The following COL11A1 variants were observed in gnomAD, a reference collection of about 807,000 sequenced individuals.
COL11A1 encodes the protein collagen alpha-1(XI) chain.
A neutral mutation model predicts 265.2 loss-of-function variants in COL11A1; 74 were observed. That is an observed-to-expected ratio of 0.28 (90% confidence interval 0.23 to 0.34). The LOEUF is 0.34. Among genes scored for constraint, COL11A1 ranks in the 10% least tolerant of loss-of-function variants. The pLI is 1.00. For missense variants in COL11A1, 2,165 were observed against 2,263.6 expected, an observed-to-expected ratio of 0.96 and a Z score of 0.88; for synonymous variants, 816 against 727.6, an observed-to-expected ratio of 1.12 and a Z score of -1.96.
Position 103,077,880 on chromosome 1 carries a change from T to A in COL11A1, c.488+778A>T, listed in dbSNP as rs148095281. On this transcript the variant is annotated intron_variant, in intron 3 of 66. Coordinates refer to ENST00000370096, the MANE Select transcript of COL11A1 (RefSeq NM_001854.4). ...GAACTTAGGCAAATTACTTAAACTC[T>A]CTGAGCCTCAGTTCCCTTACCAGGA... Among the ~76,000 whole-genome samples the A allele has an allele frequency of 1.9e-3, 295 of 152,222 alleles. 2 individuals are homozygous for A. Among genetic ancestry groups the A allele is most frequent in the Non-Finnish European group, 2.9e-3 (198 of 68,000 alleles).
intron 41 of COL11A1, among the ~76,000 whole-genome samples, chr1:102,950,287 G>T (rs1226104215): frequency 6.6e-6 from 1 of 151,900 alleles, no homozygotes; most frequent in Non-Finnish European, 1.5e-5. Context: ...TGTCTCGAAA[G>T]AAAAAAGAAG....
intron 30 of COL11A1, 27 bp from the exon 31 acceptor site, chr1:102,984,218 A>G (rs771074553): frequency 1.8e-5 from 26 of 1,432,748 alleles, no homozygotes; most frequent in South Asian, 3.7e-5. Context: ...TAATAATCAA[A>G]GTAATATTTT....
intron 4 of COL11A1, among the ~76,000 whole-genome samples, chr1:103,055,802 C>T (rs1270625230): frequency 1.3e-5 from 2 of 152,176 alleles, no homozygotes; most frequent in African/African-American, 2.4e-5. Context: ...CCAGGAAAGC[C>T]AAACGATTGG....
rs750652823 is a variant in COL11A1, at chr1:102,878,123, G to T, written c.5317C>A (p.Pro1773Thr). Residue 1773 changes from proline (P) to threonine (T), a missense_variant, in exon 67 of 67, where the codon CCA becomes ACA. Transcript: ENST00000370096. ...ACAATAGGTACTTGATCAATTTTTG[G>T]TGTATTGATTTCAATGACAGTCTTT... ...YEKTVIEINT[P>T]KIDQVPIVDV... is the part of the protein sequence containing the mutation. 2.5e-6 allele frequency: 4 copies of T among 1,612,986 alleles called. No individual in the cohort carries two copies. The Admixed American group carries it at 5.0e-5, about 20-fold the overall frequency.
At chr1:103,099,848 C>A (rs1004237122) in intron 1 of COL11A1, among the ~76,000 whole-genome samples, 6 of 151,730 alleles carry the variant, frequency 4.0e-5, no homozygotes, top group Non-Finnish European at 2.9e-5. Flanking sequence ...TTACTTTTAG[C>A]AAATGAATTT....
At chr1:102,914,834 A>G (rs1476169847) in intron 50 of COL11A1, 23 bp from the exon 51 acceptor site, 4 of 1,555,466 alleles carry the variant, frequency 2.6e-6, no homozygotes, top group African/African-American at 1.4e-5. Flanking sequence ...AAAAAAAAAA[A>G]AAGAAGAAGA....
intron 4 of COL11A1, among the ~76,000 whole-genome samples, chr1:103,073,482 A>G (rs1671736084): frequency 6.6e-6 from 1 of 151,814 alleles, no homozygotes; most frequent in South Asian, 2.1e-4. Flanking sequence ...GGATATTGGG[A>G]TATCTGAGAG....
At chr1:102,954,135 G>T (rs1354341429) in intron 41 of COL11A1, among the ~76,000 whole-genome samples, 2 of 152,134 alleles carry the variant, frequency 1.3e-5, no homozygotes, top group African/African-American at 4.8e-5. Context: ...TAAAAGGGAA[G>T]AATTTACCTT....
rs113566621 is a variant in COL11A1 at position 102,901,118 on chromosome 1, G to C, written c.4087-2124C>G. On this transcript the variant is annotated intron_variant, in intron 54 of 66. Coordinates refer to ENST00000370096, the MANE Select transcript of COL11A1 (RefSeq NM_001854.4). ...GCGGATCGCCTCAGGCCAGGAGTTC[G>C]AGACCAGCTGGGCCAACACAGTGAA... 1.8e-3 allele frequency among the ~76,000 whole-genome samples: 271 copies of C among 152,040 alleles called. 3 individuals are homozygous for C. Among genetic ancestry groups the C allele is most frequent in the Middle Eastern group, 0.014 (4 of 294 alleles).
At chr1:102,979,697 T>G (rs1231120920) in intron 31 of COL11A1, 2 of 505,990 alleles carry the variant, frequency 4.0e-6, no homozygotes, top group East Asian at 8.5e-5. Context: ...TTATTTCATC[T>G]CTTGTTATAA....
At chr1:103,052,443 T>C (rs1021839549) in intron 4 of COL11A1, among the ~76,000 whole-genome samples, 1 of 152,168 alleles carries the variant, frequency 6.6e-6, no homozygotes, top group African/African-American at 2.4e-5. Context: ...TTATTACAAA[T>C]CTTCATCTTT....
chr1:102,991,815 G>A (rs1190263132), intron 28 of COL11A1, among the ~76,000 whole-genome samples: 1 of 147,776 alleles, frequency 6.8e-6, no homozygotes, highest in African/African-American at 2.5e-5. Flanking sequence ...CATACTCAAA[G>A]AACTCTAGCA....
chr1:102,948,413 G>T (rs1229926034), intron 41 of COL11A1, among the ~76,000 whole-genome samples: 3 of 151,980 alleles, frequency 2.0e-5, no homozygotes, highest in African/African-American at 7.2e-5. Flanking sequence ...CCACCCATTG[G>T]TTCTTTCTAA....
intron 1 of COL11A1, among the ~76,000 whole-genome samples, chr1:103,088,109 C>G (rs1451469559): frequency 6.6e-6 from 1 of 152,176 alleles, no homozygotes; most frequent in Non-Finnish European, 1.5e-5. Context: ...ATATAGATTA[C>G]TGATGAAACA....
chr1:103,083,656 T>G (rs1350381421), intron 1 of COL11A1, among the ~76,000 whole-genome samples: 1 of 152,178 alleles, frequency 6.6e-6, no homozygotes, highest in African/African-American at 2.4e-5. Flanking sequence ...TATATACAGG[T>G]ACTTATATAT....
At chr1:103,036,627 G>A (rs1054964679) in intron 4 of COL11A1, among the ~76,000 whole-genome samples, 1 of 151,552 alleles carries the variant, frequency 6.6e-6, no homozygotes, top group African/African-American at 2.4e-5. Context: ...TTCCCAGAAG[G>A]CATTTTACAG....
At chr1:103,030,680 A>G (rs1667910792) in intron 5 of COL11A1, among the ~76,000 whole-genome samples, 1 of 152,120 alleles carries the variant, frequency 6.6e-6, no homozygotes. Context: ...TGTTCAACAC[A>G]GCCTGAAAAC....
chr1:103,098,349 A>G (rs1385275861), intron 1 of COL11A1, among the ~76,000 whole-genome samples: 2 of 151,970 alleles, frequency 1.3e-5, no homozygotes, highest in South Asian at 2.1e-4. Context: ...AGCCAGATAC[A>G]TTTCTATTTA....
rs139842748 is a variant in COL11A1 at position 103,059,958 on chromosome 1, C to G, written c.651+14660G>C. On this transcript the variant is annotated intron_variant, in intron 4 of 66. Transcript: ENST00000370096. ...AAAAGAATAGAACCAACATTTGAAG[C>G]AATAGTGACTGAGAATTTGCCCAAA... is the stretch of plus-strand genomic sequence containing the variant. Among the ~76,000 whole-genome samples the G allele has an allele frequency of 5.6e-3, 855 of 152,060 alleles. 4 individuals are homozygous for G. Among genetic ancestry groups the G allele is most frequent in the Middle Eastern group, 0.027 (8 of 294 alleles).
Sources: allele counts gnomAD v4.1 joint callset (sites outside exome capture counted in the v4.1 genomes callset), GRCh38; gene constraint gnomAD v4.1.1; transcripts MANE v1.5; gene names NCBI Gene and HGNC (gene_info 2026-07-23, HGNC 2026-07-21).